Variants in GNG12 observed in about 807,000 individuals in gnomAD.
GNG12 encodes the protein guanine nucleotide-binding protein G(I)/G(S)/G(O) subunit gamma-12.
For synonymous variants in GNG12, 28 were observed against 29.7 expected (o/e 0.94, Z 0.19); for missense variants, 69 against 83.8 (o/e 0.82, Z 0.69).
At chr1:67,832,293 T>C (rs918050832) in intron 1 of GNG12, 1 of 152,170 alleles carries the variant, frequency 6.6e-6, no homozygotes, top group Non-Finnish European at 1.5e-5. Flanking sequence ...AGAGATTTCC[T>C]TCTCGACCCA....
At chr1:67,790,580 T>A (rs944328375) in intron 1 of GNG12, among the ~76,000 whole-genome samples, 1 of 151,154 alleles carries the variant, frequency 6.6e-6, no homozygotes, top group African/African-American at 2.4e-5. Context: ...GATCGTAAGG[T>A]CCCCTGACTG....
intron 1 of GNG12, among the ~76,000 whole-genome samples, chr1:67,802,374 T>C (rs1474765501): frequency 6.6e-6 from 1 of 152,120 alleles, no homozygotes; most frequent in Non-Finnish European, 1.5e-5. Context: ...TAAAACCATT[T>C]AATTGGTTCC....
chr1:67,767,212 T>C (rs557211275), intron 2 of GNG12, among the ~76,000 whole-genome samples: 4 of 152,244 alleles, frequency 2.6e-5, no homozygotes, highest in African/African-American at 9.6e-5. Context: ...ACCACTGGAC[T>C]CTCCCCTGCA....
At chr1:67,823,835 T>C (rs1646996787) in intron 1 of GNG12, among the ~76,000 whole-genome samples, 2 of 152,212 alleles carry the variant, frequency 1.3e-5, no homozygotes, top group African/African-American at 2.4e-5. Flanking sequence ...AATGATTTAT[T>C]ACATCTTTAT....
At chr1:67,757,770 G>A (rs1415557257) in intron 2 of GNG12, among the ~76,000 whole-genome samples, 1 of 152,166 alleles carries the variant, frequency 6.6e-6, no homozygotes, top group African/African-American at 2.4e-5. Flanking sequence ...GAAAAATTCA[G>A]AAGGAAAAGC....
intron 2 of GNG12, among the ~76,000 whole-genome samples, chr1:67,716,545 A>C (rs1646326858): frequency 6.6e-6 from 1 of 152,198 alleles, no homozygotes; most frequent in African/African-American, 2.4e-5. Context: ...AGAGGTTAAA[A>C]AATTCTTGCC....
intron 1 of GNG12, among the ~76,000 whole-genome samples, chr1:67,809,483 G>A (rs1415578631): frequency 2.6e-5 from 4 of 152,130 alleles, no homozygotes; most frequent in Non-Finnish European, 5.9e-5. Context: ...ACAATGTCAA[G>A]AGAATGAGAA....
intron 2 of GNG12, among the ~76,000 whole-genome samples, chr1:67,718,321 T>A (rs1427979071): frequency 6.6e-6 from 1 of 151,886 alleles, no homozygotes; most frequent in African/African-American, 2.4e-5. Flanking sequence ...TATAAAAATG[T>A]GAGCCACGTA....
chr1:67,712,716 C>G (rs533655469), intron 2 of GNG12, among the ~76,000 whole-genome samples: 40 of 151,948 alleles, frequency 2.6e-4, no homozygotes, highest in African/African-American at 9.4e-4. Flanking sequence ...TAACCCAGTT[C>G]GTAAGCCTTT....
chr1:67,730,166 C>T (rs999378613), intron 2 of GNG12, among the ~76,000 whole-genome samples: 9 of 152,052 alleles, frequency 5.9e-5, no homozygotes, highest in East Asian at 1.9e-4. Context: ...GGATGAGTCT[C>T]GCAAACATAA....
intron 2 of GNG12, among the ~76,000 whole-genome samples, chr1:67,760,569 A>T (rs1646597129): frequency 6.6e-6 from 1 of 152,182 alleles, no homozygotes; most frequent in African/African-American, 2.4e-5. Flanking sequence ...TTCAAGGCAA[A>T]GAAACCAAGG....
intron 1 of GNG12, among the ~76,000 whole-genome samples, chr1:67,816,736 C>T (rs138915614): frequency 2.3e-4 from 35 of 152,274 alleles, no homozygotes; most frequent in Admixed American, 5.9e-4. Context: ...AGGTAGGGCC[C>T]GGTGACAAGA....
Position 67,723,254 on chromosome 1 carries a change from G to A in GNG12, c.-26-15542C>T, listed in dbSNP as rs144731896. 4.3e-3 allele frequency among the ~76,000 whole-genome samples: 653 copies of A among 152,294 alleles called. 5 individuals are homozygous for A. Among genetic ancestry groups the A allele is most frequent in the African/African-American group, 0.015 (625 of 41,562 alleles). ...GTGCATGAAGAAAAGTGCAGAGGAT[G>A]GCTTTGAGCCTTTCTCACTTGGATG... On this transcript the variant is annotated intron_variant, in intron 2 of 3. Transcript: ENST00000370982.
chr1:67,793,822 C>T (rs1347630674), intron 1 of GNG12, among the ~76,000 whole-genome samples: 1 of 152,224 alleles, frequency 6.6e-6, no homozygotes, highest in Non-Finnish European at 1.5e-5. Flanking sequence ...TCTTCACTCA[C>T]TTTGTTGGGG....
At position 67,788,936 on chromosome 1, in the gene GNG12, G is replaced by A. The variant is rs1287929492; in HGVS notation, c.-76-11429C>T. On this transcript the variant is annotated intron_variant, in intron 1 of 3. Transcript: ENST00000370982. Reference sequence around the variant, plus strand: ...GAATGAATGATGGTGGGACCATACAGAACTACGAAAAAGAAAATGATGAGG... The same window carrying A: ...GAATGAATGATGGTGGGACCATACAAAACTACGAAAAAGAAAATGATGAGG... 3.3e-5 allele frequency among the ~76,000 whole-genome samples: 5 copies of A among 152,152 alleles called. No individual in the cohort carries two copies. In the East Asian group the frequency reaches 9.6e-4, roughly 29 times the overall value.
Position 67,833,462 on chromosome 1 carries a change from C to T in GNG12, c.-195G>A. The T allele has an allele frequency of 7.1e-6, 7 of 985,732 alleles. No individual in the cohort carries two copies. The highest frequency in any genetic ancestry group is 8.4e-6 in the Non-Finnish European group (7 of 830,364). The allele number at this position is 985,732 out of a possible 1,614,324, so 61.1% of individuals were successfully genotyped here. A position where few individuals can be genotyped will look rare whatever the true frequency, so the allele number is the denominator to read the frequency against. On this transcript the variant is annotated 5_prime_UTR_variant, in exon 1 of 4. Transcript: ENST00000370982. ...TTGCTCCTCCGGGCGCCGGCTCCGC[C>T]TCGCTGGGGTGGGCGGGGCGGCGGC...
chr1:67,793,804 T>G (rs141777457), intron 1 of GNG12, among the ~76,000 whole-genome samples: 213 of 152,342 alleles, frequency 1.4e-3, no homozygotes, highest in African/African-American at 5.0e-3. Context: ...CTGTTTCACA[T>G]GTTTTTCTCT....
intron 1 of GNG12, among the ~76,000 whole-genome samples, chr1:67,811,830 T>C (rs1396437780): frequency 2.0e-5 from 3 of 152,200 alleles, no homozygotes; most frequent in Non-Finnish European, 1.5e-5. Flanking sequence ...AGAATCACTG[T>C]CTAGGAATTA....
At chr1:67,732,540 T>C (rs1038455872) in intron 2 of GNG12, among the ~76,000 whole-genome samples, 1 of 152,160 alleles carries the variant, frequency 6.6e-6, no homozygotes, top group African/African-American at 2.4e-5. Flanking sequence ...AAACACTCCA[T>C]TGGGAGGGAA....
Sources: allele counts gnomAD v4.1 joint callset (sites outside exome capture counted in the v4.1 genomes callset), GRCh38; gene constraint gnomAD v4.1.1; transcripts MANE v1.5; gene names NCBI Gene and HGNC (gene_info 2026-07-23, HGNC 2026-07-21).